Variants in SNTG1 observed in about 807,000 individuals in gnomAD.
SNTG1 encodes gamma-1-syntrophin.
SNTG1 carries 39 observed loss-of-function variants against 74.7 expected under a neutral mutation model. The ratio of observed to expected loss-of-function variants is 0.52; its 90% CI spans 0.40 to 0.68. The LOEUF (loss-of-function observed/expected upper bound fraction) is 0.68, where lower values mean the gene tolerates loss of function less well. SNTG1 is among the 30% of genes least tolerant of loss of function. The pLI is 0.00. For synonymous variants in SNTG1, 254 were observed against 217.1 expected, an observed-to-expected ratio of 1.17 and a Z score of -1.49; for missense variants, 685 against 609.5, an observed-to-expected ratio of 1.12 and a Z score of -1.30.
intron 1 of SNTG1, among the ~76,000 whole-genome samples, chr8:50,039,193 T>C (rs2130803825): frequency 6.6e-6 from 1 of 152,174 alleles, no homozygotes; most frequent in African/African-American, 2.4e-5. Context: ...TGGTGGCTCA[T>C]GCCTGTAATC....
intron 8 of SNTG1, among the ~76,000 whole-genome samples, chr8:50,453,531 C>A (rs1055486838): frequency 3.3e-5 from 5 of 152,140 alleles, no homozygotes; most frequent in African/African-American, 1.2e-4. Context: ...AACAACTCTG[C>A]AAATCATAGC....
At chr8:50,759,078 T>C (rs1180510264) in intron 18 of SNTG1, among the ~76,000 whole-genome samples, 1 of 152,198 alleles carries the variant, frequency 6.6e-6, no homozygotes, top group Non-Finnish European at 1.5e-5. Flanking sequence ...ATGAGCATTT[T>C]TTCATGTCTG....
At chr8:50,361,742 G>A (rs1223568840) in intron 2 of SNTG1, among the ~76,000 whole-genome samples, 1 of 152,024 alleles carries the variant, frequency 6.6e-6, no homozygotes, top group Non-Finnish European at 1.5e-5. Context: ...CATGAACCTA[G>A]GAGTTATAAG....
At position 50,730,408 on chromosome 8, in the gene SNTG1, A is replaced by T. The variant is rs551099922; in HGVS notation, c.1284+21430A>T. The stretch of plus-strand genomic sequence containing the variant: ...ATTTAAGCATTCACAGTAAAAAATT[A>T]TTTCTGCTTTTATTATTTCACACTA... On this transcript the variant is annotated intron_variant, in intron 17 of 18. Coordinates refer to ENST00000642720, the MANE Select transcript of SNTG1 (RefSeq NM_018967.5). Among the ~76,000 whole-genome samples the T allele has an allele frequency of 3.0e-4, 46 of 152,274 alleles. 1 individual carries two copies. The Middle Eastern group carries it at 0.01, about 34-fold the overall frequency.
At chr8:49,916,147 A>G (rs1489054207) in intron 1 of SNTG1, among the ~76,000 whole-genome samples, 1 of 150,528 alleles carries the variant, frequency 6.6e-6, no homozygotes, top group Non-Finnish European at 1.5e-5. Context: ...AAAAAATTAT[A>G]TCATCACTTA....
At chr8:50,070,295 T>G (rs996427333) in intron 1 of SNTG1, among the ~76,000 whole-genome samples, 4 of 152,180 alleles carry the variant, frequency 2.6e-5, no homozygotes, top group African/African-American at 9.6e-5. Context: ...TTAAAAAAAT[T>G]GTTCATTATT....
intron 1 of SNTG1, among the ~76,000 whole-genome samples, chr8:49,944,121 G>A (rs942743513): frequency 6.6e-6 from 1 of 152,092 alleles, no homozygotes; most frequent in Non-Finnish European, 1.5e-5. Context: ...CTTATGTTGT[G>A]TACCTCTTGA....
chr8:50,212,946 C>T (rs2084593235), intron 2 of SNTG1, among the ~76,000 whole-genome samples: 1 of 152,170 alleles, frequency 6.6e-6, no homozygotes, highest in Admixed American at 6.6e-5. Flanking sequence ...TTGAGACCTG[C>T]CTATGCGATG....
intron 1 of SNTG1, among the ~76,000 whole-genome samples, chr8:50,136,444 C>T (rs2081478835): frequency 6.6e-6 from 1 of 152,118 alleles, no homozygotes; most frequent in South Asian, 2.1e-4. Flanking sequence ...CAGTAATAGC[C>T]ATTCTGACTG....
At chr8:50,229,013 G>A (rs539763399) in intron 2 of SNTG1, among the ~76,000 whole-genome samples, 6 of 151,750 alleles carry the variant, frequency 4.0e-5, no homozygotes, top group African/African-American at 1.4e-4. Context: ...GTAATTGGGA[G>A]TACTCTGTTG....
chr8:50,009,598 A>T (rs2130548667), intron 1 of SNTG1, among the ~76,000 whole-genome samples: 1 of 152,330 alleles, frequency 6.6e-6, no homozygotes, highest in African/African-American at 2.4e-5. Context: ...GTAGCAAATT[A>T]TCTGAAACCT....
chr8:49,988,001 GGAAA>G (rs1340642762), intron 1 of SNTG1, among the ~76,000 whole-genome samples: 3 of 152,032 alleles, frequency 2.0e-5, no homozygotes, highest in African/African-American at 4.8e-5. Context: ...TAGCAATGAA[GGAAA>G]GAAAGAGTCA....
chr8:50,227,174 T>C (rs1030070826), intron 2 of SNTG1, among the ~76,000 whole-genome samples: 26 of 152,248 alleles, frequency 1.7e-4, no homozygotes, highest in South Asian at 1.2e-3. Context: ...CAGTCAAGAT[T>C]GCTTCTGTGG....
intron 2 of SNTG1, among the ~76,000 whole-genome samples, chr8:50,305,929 C>CT (rs1379079229): frequency 1.3e-5 from 2 of 151,080 alleles, no homozygotes; most frequent in East Asian, 3.9e-4. Flanking sequence ...GTTTCAATAG[C>CT]TTTGGGGGTA....
At chr8:50,401,067 ATACT>A (rs919678814) in intron 3 of SNTG1, among the ~76,000 whole-genome samples, 3 of 152,122 alleles carry the variant, frequency 2.0e-5, no homozygotes, top group South Asian at 2.1e-4. Flanking sequence ...TTTGCCATGA[ATACT>A]TACTATGTGC....
At chr8:50,598,847 G>A (rs141405642) in intron 13 of SNTG1, among the ~76,000 whole-genome samples, 7 of 151,918 alleles carry the variant, frequency 4.6e-5, no homozygotes, top group African/African-American at 1.7e-4. Flanking sequence ...AAATGAAATT[G>A]CTTCCTAATT....
intron 1 of SNTG1, among the ~76,000 whole-genome samples, chr8:50,029,016 A>T (rs1817519796): frequency 1.3e-5 from 2 of 152,000 alleles, no homozygotes; most frequent in Admixed American, 6.6e-5. Context: ...TATGTGTTGT[A>T]GGTACAAACA....
chr8:49,945,827 G>C (rs1051359299), intron 1 of SNTG1, among the ~76,000 whole-genome samples: 1 of 152,192 alleles, frequency 6.6e-6, no homozygotes, highest in South Asian at 2.1e-4. Context: ...GAGCAGGCCC[G>C]GACCCTTTGT....
intron 2 of SNTG1, among the ~76,000 whole-genome samples, chr8:50,231,374 C>T (rs2085615300): frequency 6.6e-6 from 1 of 151,356 alleles, no homozygotes; most frequent in Non-Finnish European, 1.5e-5. Flanking sequence ...AGCAATCCCA[C>T]TTCTGGGTAT....
Sources: allele counts gnomAD v4.1 joint callset (sites outside exome capture counted in the v4.1 genomes callset), GRCh38; gene constraint gnomAD v4.1.1; transcripts MANE v1.5; gene names NCBI Gene and HGNC (gene_info 2026-07-23, HGNC 2026-07-21).